The following PHF7 variants were observed in gnomAD, a reference collection of about 807,000 sequenced individuals.
The protein encoded by PHF7 is PHD finger protein 7.
A neutral mutation model predicts 47.5 loss-of-function variants in PHF7; 24 were observed. The observed-to-expected ratio is 0.51, with a 90% CI of 0.37 to 0.71. The LOEUF (loss-of-function observed/expected upper bound fraction) is 0.71. PHF7 is among the 30% of genes least tolerant of loss of function. PHF7 has a pLI of 0.00. For synonymous variants in PHF7, 156 were observed against 153.8 expected (o/e 1.01, Z -0.11); for missense variants, 361 against 456.8 (o/e 0.79, Z 1.91).
intron 2 of PHF7, 94 bp downstream of exon 2, chr3:52,413,014 G>A: frequency 1.1e-6 from 1 of 929,604 alleles, no homozygotes. Flanking sequence ...AGTCTTGGGG[G>A]TTGAGGTTGG....
chr3:52,414,142 C>T, intron 3 of PHF7, 94 bp downstream of exon 3: 1 of 801,940 alleles, frequency 1.2e-6, no homozygotes. Context: ...TCTTCTCTCT[C>T]TCCCAGCCCT....
At chr3:52,421,922 A>C in intron 8 of PHF7, 168 bp downstream of exon 8, 1 of 487,420 alleles carries the variant, frequency 2.1e-6, no homozygotes, top group Non-Finnish European at 3.7e-6. Flanking sequence ...GGGAGGGGGA[A>C]GAAGTTTGCG....
chr3:52,416,749 C>T (rs1239134825), intron 4 of PHF7, among the ~76,000 whole-genome samples: 9 of 150,004 alleles, frequency 6.0e-5, no homozygotes, highest in African/African-American at 2.2e-4. Flanking sequence ...AGGAGAATGG[C>T]GTGAACCCAG....
chr3:52,420,310 G>T lies in PHF7; in HGVS notation c.289-1G>T. 2 of 1,614,030 alleles carry T rather than the reference G, an allele frequency of 1.2e-6. No homozygotes were observed. The highest frequency in any genetic ancestry group is 1.7e-6 in the Non-Finnish European group (2 of 1,179,880). ...AGCACTGTCTGGGAACTCATTTGCA[G>T]ATCTGCTTTGTGTGCAAGAAAAAGG... is the stretch of plus-strand genomic sequence containing the variant. On this transcript the variant is annotated splice_acceptor_variant, in intron 5 of 10. Coordinates refer to ENST00000327906, the MANE Select transcript of PHF7 (RefSeq NM_016483.7). LOFTEE classifies it high-confidence loss of function.
At chr3:52,412,577 T>C (rs1468290446) in intron 1 of PHF7, among the ~76,000 whole-genome samples, 1 of 152,196 alleles carries the variant, frequency 6.6e-6, no homozygotes, top group Non-Finnish European at 1.5e-5. Context: ...ACTCTTACCT[T>C]GGGCAGGATA....
intron 8 of PHF7, 133 bp downstream of exon 8, chr3:52,421,887 G>A (rs557751031): frequency 1.3e-5 from 8 of 598,022 alleles, no homozygotes; most frequent in African/African-American, 1.1e-4. Context: ...GGAGGAGGGA[G>A]TGCTTTTCAA....
intron 1 of PHF7, 140 bp downstream of exon 1, chr3:52,411,387 C>A (rs1452720540): frequency 1.3e-5 from 2 of 152,368 alleles, no homozygotes; most frequent in African/African-American, 4.8e-5. Context: ...CCAGTGTTTT[C>A]CTTAAGGAAG....
In PHF7 at chr3:52,421,677, C is replaced by T. The variant is rs556801372; in HGVS notation, c.603C>T (p.Phe201=). 92 of 1,607,004 alleles carry T rather than the reference C, an allele frequency of 5.7e-5. 3 individuals are homozygous for T. The South Asian group carries it at 1.0e-3, about 17-fold the overall frequency. ...QKYAHTSAKH[F]FKCPQCNNRK... ...ATGCCCACACATCAGCAAAGCATTT[C>T]TTCAAATGTCCACAGTGTAACAATC... Residue 201 remains phenylalanine (F), a synonymous_variant, in exon 8 of 11, where the codon TTC becomes TTT. Transcript: ENST00000327906.
chr3:52,419,701 G>A, intron 4 of PHF7, 132 bp from the exon 5 acceptor site: 3 of 700,626 alleles, frequency 4.3e-6, no homozygotes, highest in South Asian at 1.5e-5. Flanking sequence ...AAAGTGCCGG[G>A]ATTACAGGCA....
intron 7 of PHF7, 69 bp from the exon 8 acceptor site, chr3:52,421,579 G>T: frequency 2.3e-6 from 2 of 878,596 alleles, no homozygotes; most frequent in Non-Finnish European, 1.9e-6. Flanking sequence ...TAGGGGTGAG[G>T]GTGGGAGGAG....
intron 4 of PHF7, 141 bp from the exon 5 acceptor site, chr3:52,419,692 A>T: frequency 1.5e-6 from 1 of 686,594 alleles, no homozygotes; most frequent in African/African-American, 1.8e-5. Flanking sequence ...CGGCCTCCCA[A>T]AGTGCCGGGA....
intron 4 of PHF7, among the ~76,000 whole-genome samples, chr3:52,416,272 AC>A (rs1705621503): frequency 7.1e-6 from 1 of 141,256 alleles, no homozygotes; most frequent in Non-Finnish European, 1.5e-5. Flanking sequence ...TGCAGCCTCC[AC>A]CTCCCGGGTT....
At position 52,416,600 on chromosome 3, in the gene PHF7, C is replaced by T. The variant is rs185298739; in HGVS notation, c.186+2013C>T. Among the ~76,000 whole-genome samples, 490 of 151,126 alleles carry T rather than the reference C, an allele frequency of 3.2e-3. 3 individuals carry two copies. The highest frequency in any genetic ancestry group is 0.014 in the South Asian group (66 of 4,790). On this transcript the variant is annotated intron_variant, in intron 4 of 10. Transcript: ENST00000327906. ...CTGTAATCCCAGAACTTTGGGAGGC[C>T]GAGGCGAGCAGATCAAGAGGTCAGG...
chr3:52,417,318 C>T (rs900969677), intron 4 of PHF7, among the ~76,000 whole-genome samples: 4 of 151,710 alleles, frequency 2.6e-5, no homozygotes, highest in African/African-American at 9.7e-5. Flanking sequence ...GTCAATTTTT[C>T]TTTAAAAAAA....
chr3:52,413,311 G>A (rs1358538752), intron 2 of PHF7, among the ~76,000 whole-genome samples: 3 of 152,162 alleles, frequency 2.0e-5, no homozygotes, highest in South Asian at 2.1e-4. Context: ...ATAGTGCCTC[G>A]CAACAGGAAA....
intron 4 of PHF7, among the ~76,000 whole-genome samples, chr3:52,415,824 T>G (rs868085392): frequency 6.6e-6 from 1 of 152,268 alleles, no homozygotes; most frequent in South Asian, 2.1e-4. Context: ...AGGACTATTA[T>G]GAATAAAGCT....
intron 4 of PHF7, among the ~76,000 whole-genome samples, chr3:52,418,418 T>G: frequency 6.6e-6 from 1 of 152,268 alleles, no homozygotes; most frequent in Non-Finnish European, 1.5e-5. Flanking sequence ...AGCTAATTTA[T>G]TAAATCAATA....
intron 2 of PHF7, 82 bp from the exon 3 acceptor site, chr3:52,413,914 A>G (rs1466910481): frequency 7.7e-6 from 7 of 910,642 alleles, no homozygotes; most frequent in Non-Finnish European, 1.1e-5. Flanking sequence ...AGACCCATGA[A>G]TGGCATTTTA....
chr3:52,422,229 G>GC lies in PHF7; in HGVS notation c.690dup (p.Trp231LeufsTer19). 1 of 1,607,612 alleles carries GC rather than the reference G, an allele frequency of 6.2e-7. No homozygotes were observed. The highest frequency in any genetic ancestry group is 2.2e-5 in the East Asian group (1 of 44,834). ...TTTCTTCTCCCACTGCAGAGATGCTGCCTGGGAACTCGAGCCAGGGGCTTT... is the reference window on the plus strand; with the variant it reads ...TTTCTTCTCCCACTGCAGAGATGCTGCCCTGGGAACTCGAGCCAGGGGCTTT... On this transcript the variant is annotated frameshift_variant, in exon 9 of 11. Transcript: ENST00000327906. LOFTEE classifies it high-confidence loss of function.
Sources: gnomAD v4.1 joint callset for allele counts (sites outside exome capture counted in the v4.1 genomes callset) on GRCh38, gnomAD v4.1.1 for gene constraint, MANE v1.5 for transcripts, NCBI Gene and HGNC (gene_info 2026-07-23, HGNC 2026-07-21) for gene names.